Variants in LRRC4C observed in about 807,000 individuals in gnomAD.
LRRC4C encodes leucine-rich repeat-containing protein 4C.
In LRRC4C, 5 loss-of-function variants were observed where a neutral mutation model predicts 33.6. That is an observed-to-expected ratio of 0.15 (90% CI 0.08 to 0.31). The LOEUF (loss-of-function observed/expected upper bound fraction) is 0.31, where lower values mean the gene tolerates loss of function less well. Among genes scored for constraint, LRRC4C ranks in the 10% least tolerant of loss-of-function variants. The probability of loss-of-function intolerance (pLI) is 1.00; values close to 1 mark genes in which losing one functional copy is unlikely to be tolerated. For missense variants in LRRC4C, 560 were observed against 796.7 expected, an observed-to-expected ratio of 0.70 and a Z score of 3.58; for synonymous variants, 329 against 302.0, an observed-to-expected ratio of 1.09 and a Z score of -0.93.
chr11:40,125,553 T>C (rs1423125685), intron 6 of LRRC4C, among the ~76,000 whole-genome samples: 2 of 151,500 alleles, frequency 1.3e-5, no homozygotes, highest in African/African-American at 4.8e-5. Flanking sequence ...TCATTTCTTC[T>C]CTCTCTCTCT....
At chr11:40,733,530 A>G (rs1489477898) in intron 2 of LRRC4C, among the ~76,000 whole-genome samples, 1 of 152,182 alleles carries the variant, frequency 6.6e-6, no homozygotes, top group African/African-American at 2.4e-5. Context: ...CTACCCAAAG[A>G]GATGTTTGGG....
At chr11:41,014,375 T>C (rs960404688) in intron 1 of LRRC4C, among the ~76,000 whole-genome samples, 1 of 151,990 alleles carries the variant, frequency 6.6e-6, no homozygotes, top group East Asian at 1.9e-4. Context: ...CTCCAAAGAA[T>C]CTCCTCCTCC....
At chr11:41,305,767 G>A (rs1330230146) in intron 1 of LRRC4C, among the ~76,000 whole-genome samples, 3 of 117,184 alleles carry the variant, frequency 2.6e-5, no homozygotes, top group South Asian at 3.3e-4. Context: ...CAAACACTGC[G>A]GAAGGCCGCA....
At chr11:40,538,773 G>A (rs147504714) in intron 3 of LRRC4C, among the ~76,000 whole-genome samples, 341 of 152,260 alleles carry the variant, frequency 2.2e-3, no homozygotes, top group Middle Eastern at 6.8e-3. Context: ...GTGTAAAAGT[G>A]TTCCTATTTC....
rs369176526 is a variant in LRRC4C at position 40,133,300 on chromosome 11, G to A, written c.-43+7501C>T. On this transcript the variant is annotated intron_variant, in intron 6 of 6. Coordinates refer to ENST00000528697, the MANE Select transcript of LRRC4C (RefSeq NM_001258419.2). ...TGAGCAATGCAATTTAAATTACCAT[G>A]CAAGGCAATCCGAAGAGAACAAATA... Among the ~76,000 whole-genome samples the A allele has an allele frequency of 5.2e-4, 79 of 152,288 alleles. 2 individuals are homozygous for A. In the South Asian group the frequency reaches 0.016, roughly 31 times the overall value.
At chr11:41,442,662 G>A (rs1249466105) in intron 1 of LRRC4C, among the ~76,000 whole-genome samples, 1 of 151,456 alleles carries the variant, frequency 6.6e-6, no homozygotes, top group African/African-American at 2.4e-5. Context: ...GTAGAGACGG[G>A]GTTTCACTGT....
rs2135956845 is a variant in LRRC4C, at chr11:40,621,949, G to A, written c.-270+26193C>T. ...ACTTTGCCCCAGGCCACACAACTGG[G>A]ATGGAGAGCTGGGATTTGAATCCAG... is the stretch of plus-strand genomic sequence containing the variant. On this transcript the variant is annotated intron_variant, in intron 3 of 6. Coordinates refer to ENST00000528697, the MANE Select transcript of LRRC4C (RefSeq NM_001258419.2). 4.6e-5 allele frequency among the ~76,000 whole-genome samples: 7 copies of A among 151,862 alleles called. No individual in the cohort carries two copies. The South Asian group carries it at 1.5e-3, about 32-fold the overall frequency.
At chr11:41,438,117 G>A (rs1955501101) in intron 1 of LRRC4C, among the ~76,000 whole-genome samples, 1 of 151,704 alleles carries the variant, frequency 6.6e-6, no homozygotes, top group South Asian at 2.1e-4. Flanking sequence ...TCTTGGAGGA[G>A]TTTACAGCAC....
Position 41,298,835 on chromosome 11 carries a change from C to T in LRRC4C, c.-496+160596G>A, listed in dbSNP as rs539990992. Reference sequence around the variant, plus strand: ...TGAGTCTCCAGTGACTATTGTTTTACACTCTATGTTCATTTGTGTACGTTA... The same window carrying T: ...TGAGTCTCCAGTGACTATTGTTTTATACTCTATGTTCATTTGTGTACGTTA... On this transcript the variant is annotated intron_variant, in intron 1 of 6. Transcript: ENST00000528697. Among the ~76,000 whole-genome samples the T allele has an allele frequency of 3.4e-5, 5 of 147,974 alleles. No individual in the cohort carries two copies. In the South Asian group the frequency reaches 9.2e-4, roughly 27 times the overall value.
At chr11:41,193,545 A>T (rs1357668231) in intron 1 of LRRC4C, among the ~76,000 whole-genome samples, 1 of 152,180 alleles carries the variant, frequency 6.6e-6, no homozygotes, top group Non-Finnish European at 1.5e-5. Context: ...CTGTCTCCAG[A>T]TGTTGTATGA....
chr11:41,257,444 T>G (rs886736578), intron 1 of LRRC4C, among the ~76,000 whole-genome samples: 1 of 151,962 alleles, frequency 6.6e-6, no homozygotes, highest in African/African-American at 2.4e-5. Flanking sequence ...TTTATAAAGG[T>G]GTAGCTAGCT....
intron 1 of LRRC4C, among the ~76,000 whole-genome samples, chr11:41,281,416 G>T (rs1004141542): frequency 2.0e-5 from 3 of 152,084 alleles, no homozygotes; most frequent in Non-Finnish European, 4.4e-5. Flanking sequence ...ACTACATAGC[G>T]CTCAGTCTTC....
chr11:40,506,233 A>G (rs1955026005), intron 3 of LRRC4C, among the ~76,000 whole-genome samples: 1 of 152,182 alleles, frequency 6.6e-6, no homozygotes. Flanking sequence ...ATGAAGTAGA[A>G]GTTACTACAT....
intron 2 of LRRC4C, among the ~76,000 whole-genome samples, chr11:40,730,685 A>G (rs561920199): frequency 3.2e-4 from 49 of 152,354 alleles, no homozygotes; most frequent in Middle Eastern, 3.4e-3. Context: ...GAACTTTATT[A>G]TAACATTTGA....
At chr11:40,321,201 C>T (rs911306084) in intron 3 of LRRC4C, among the ~76,000 whole-genome samples, 2 of 152,080 alleles carry the variant, frequency 1.3e-5, no homozygotes, top group African/African-American at 2.4e-5. Flanking sequence ...TTTCCCCTCA[C>T]ATATCTTCCA....
intron 2 of LRRC4C, among the ~76,000 whole-genome samples, chr11:40,708,350 A>C (rs1350095363): frequency 1.3e-5 from 2 of 152,140 alleles, no homozygotes; most frequent in East Asian, 3.9e-4. Flanking sequence ...GTGGGCATTT[A>C]GTGCTATAAA....
At chr11:40,195,440 T>C (rs1331683123) in intron 5 of LRRC4C, among the ~76,000 whole-genome samples, 4 of 152,192 alleles carry the variant, frequency 2.6e-5, no homozygotes, top group Admixed American at 2.0e-4. Flanking sequence ...GGGGTTGAGA[T>C]TGGGGTGAGA....
chr11:40,833,938 A>G lies in LRRC4C; in HGVS notation c.-407+99697T>C, dbSNP rs573275740. On this transcript the variant is annotated intron_variant, in intron 2 of 6. Transcript: ENST00000528697. ...AATCCTTGAATTTTTCATCTTTCAT[A>G]TAAAAGAGCTGATCTAGGTGAATTC... Among the ~76,000 whole-genome samples the G allele has an allele frequency of 2.5e-3, 380 of 152,278 alleles. 2 individuals carry two copies. Among genetic ancestry groups the G allele is most frequent in the Admixed American group, 8.1e-3 (124 of 15,290 alleles).
At position 41,108,925 on chromosome 11, in the gene LRRC4C, C is replaced by G. The variant is rs183809932; in HGVS notation, c.-495-175202G>C. Among the ~76,000 whole-genome samples the G allele has an allele frequency of 2.1e-3, 327 of 152,234 alleles. 4 individuals carry two copies. Among genetic ancestry groups the G allele is most frequent in the Non-Finnish European group, 3.1e-3 (214 of 68,012 alleles). On this transcript the variant is annotated intron_variant, in intron 1 of 6. Coordinates refer to ENST00000528697, the MANE Select transcript of LRRC4C (RefSeq NM_001258419.2). ...GAGTTGCTAGGCAAAATAGCACATC[C>G]ACGTTCATTCCCACAGTTGCAAATT...
Sources: gnomAD v4.1 joint callset for allele counts (sites outside exome capture counted in the v4.1 genomes callset) on GRCh38, gnomAD v4.1.1 for gene constraint, MANE v1.5 for transcripts, NCBI Gene and HGNC (gene_info 2026-07-23, HGNC 2026-07-21) for gene names.